The following KLF12 variants were observed in gnomAD, a reference collection of about 807,000 sequenced individuals.
KLF12 encodes Krueppel-like factor 12.
A neutral mutation model predicts 37.8 loss-of-function variants in KLF12; 9 were observed. The ratio of observed to expected loss-of-function variants is 0.24; its 90% CI spans 0.14 to 0.42. The LOEUF (loss-of-function observed/expected upper bound fraction) is 0.42. Among genes scored for constraint, KLF12 ranks in the 10% least tolerant of loss-of-function variants. The probability of loss-of-function intolerance (pLI) is 1.00; values close to 1 mark genes in which losing one functional copy is unlikely to be tolerated. For synonymous variants in KLF12, 208 were observed against 202.1 expected (o/e 1.03, Z -0.25); for missense variants, 411 against 516.0 (o/e 0.80, Z 1.97).
chr13:73,954,162 TA>T (rs1593777673), intron 2 of KLF12, among the ~76,000 whole-genome samples: 2 of 151,958 alleles, frequency 1.3e-5, no homozygotes, highest in South Asian at 2.1e-4. Flanking sequence ...GTATTTTTAG[TA>T]GAGGCGGGGT....
intron 3 of KLF12, among the ~76,000 whole-genome samples, chr13:73,887,592 A>T (rs931208307): frequency 2.6e-5 from 4 of 152,158 alleles, no homozygotes; most frequent in Non-Finnish European, 4.4e-5. Flanking sequence ...TTCTACCATG[A>T]GCCAATTAAA....
chr13:74,298,261 A>G, the KLF12 span, among the ~76,000 whole-genome samples: 43 of 152,322 alleles, frequency 2.8e-4, no homozygotes, highest in African/African-American at 1.0e-3. Flanking sequence ...TGCCTGAAAG[A>G]CATTGGGTAA....
intron 4 of KLF12, chr13:73,845,122 CAT>C (rs1352137981): frequency 1.3e-5 from 2 of 152,156 alleles, no homozygotes; most frequent in Non-Finnish European, 2.9e-5. Flanking sequence ...GATGATTACA[CAT>C]AGTCATGTAG....
At chr13:74,185,188 C>T in the KLF12 span, among the ~76,000 whole-genome samples, 9 of 152,086 alleles carry the variant, frequency 5.9e-5, no homozygotes, top group South Asian at 2.1e-4. Flanking sequence ...AGCTATGTTG[C>T]GAAATAAACT....
chr13:74,288,100 T>C, the KLF12 span, among the ~76,000 whole-genome samples: 1 of 151,670 alleles, frequency 6.6e-6, no homozygotes, highest in Admixed American at 6.6e-5. Context: ...TGGGGAGAAC[T>C]AGGCGGCTTT....
At chr13:74,092,804 G>A (rs993716201) in intron 1 of KLF12, among the ~76,000 whole-genome samples, 1 of 152,102 alleles carries the variant, frequency 6.6e-6, no homozygotes, top group African/African-American at 2.4e-5. Flanking sequence ...TTTTTCCTAA[G>A]GAGACATGCA....
intron 1 of KLF12, among the ~76,000 whole-genome samples, chr13:74,106,799 AC>A (rs1228643146): frequency 6.6e-6 from 1 of 152,200 alleles, no homozygotes; most frequent in Non-Finnish European, 1.5e-5. Flanking sequence ...CTATCTGCCC[AC>A]AGCCAAGCCA....
the KLF12 span, among the ~76,000 whole-genome samples, chr13:74,232,710 A>G: frequency 6.6e-6 from 1 of 152,194 alleles, no homozygotes. Flanking sequence ...TGTATATGAC[A>G]TTGAAGTACA....
intron 1 of KLF12, among the ~76,000 whole-genome samples, chr13:74,004,375 C>A (rs372205566): frequency 6.6e-6 from 1 of 152,054 alleles, no homozygotes; most frequent in Non-Finnish European, 1.5e-5. Flanking sequence ...CCTTGTGAAG[C>A]GGGTGGAATT....
intron 3 of KLF12, among the ~76,000 whole-genome samples, chr13:73,926,572 C>A (rs1889385669): frequency 6.6e-6 from 1 of 151,410 alleles, no homozygotes; most frequent in Non-Finnish European, 1.5e-5. Context: ...TCTGCAATAT[C>A]TCTGAGGTGT....
chr13:74,064,534 C>T (rs929385754), intron 1 of KLF12, among the ~76,000 whole-genome samples: 2 of 152,076 alleles, frequency 1.3e-5, no homozygotes, highest in Admixed American at 1.3e-4. Context: ...CATTGGAGTC[C>T]AGAATTATAA....
intron 1 of KLF12, among the ~76,000 whole-genome samples, chr13:74,062,347 A>G (rs929886287): frequency 2.6e-5 from 4 of 152,152 alleles, no homozygotes; most frequent in Admixed American, 2.0e-4. Flanking sequence ...GACTTTTTCT[A>G]AGTCTCTAAA....
At chr13:74,100,452 C>T (rs1458422260) in intron 1 of KLF12, among the ~76,000 whole-genome samples, 1 of 151,958 alleles carries the variant, frequency 6.6e-6, no homozygotes, top group Non-Finnish European at 1.5e-5. Flanking sequence ...ACCCCATTTC[C>T]ACTAAAAATA....
intron 3 of KLF12, among the ~76,000 whole-genome samples, chr13:73,901,011 GGAGTGTCTTTTTCTTTAAGA>G (rs1888016633): frequency 6.6e-6 from 1 of 152,146 alleles, no homozygotes. Context: ...CGATTTGATA[GGAGTGTCTTTTTCTTTAAGA>G]GAAATAGACC....
At chr13:74,124,003 T>G (rs971382088) in intron 1 of KLF12, among the ~76,000 whole-genome samples, 4 of 152,144 alleles carry the variant, frequency 2.6e-5, no homozygotes, top group Non-Finnish European at 5.9e-5. Context: ...CAAAGCAATT[T>G]TTGTTGTTGT....
intron 6 of KLF12, among the ~76,000 whole-genome samples, chr13:73,741,663 C>T (rs1877992813): frequency 6.6e-6 from 1 of 152,118 alleles, no homozygotes; most frequent in Non-Finnish European, 1.5e-5. Flanking sequence ...GGATTACAAC[C>T]CTCATCTCTG....
intron 4 of KLF12, among the ~76,000 whole-genome samples, chr13:73,824,221 G>GT (rs1031990033): frequency 6.6e-6 from 1 of 152,036 alleles, no homozygotes; most frequent in African/African-American, 2.4e-5. Context: ...CTTCACAAGA[G>GT]TTACTGTGCG....
the KLF12 span, among the ~76,000 whole-genome samples, chr13:74,276,034 A>G: frequency 6.6e-6 from 1 of 151,478 alleles, no homozygotes; most frequent in Admixed American, 6.6e-5. Flanking sequence ...ATAGGCATAC[A>G]TATGCCGTGG....
At chr13:74,275,111 G>A in the KLF12 span, among the ~76,000 whole-genome samples, 3 of 152,120 alleles carry the variant, frequency 2.0e-5, no homozygotes, top group Non-Finnish European at 4.4e-5. Context: ...GAGGATTTTG[G>A]GGGAAATTGT....
Sources: gnomAD v4.1 joint callset for allele counts (sites outside exome capture counted in the v4.1 genomes callset) on GRCh38, gnomAD v4.1.1 for gene constraint, MANE v1.5 for transcripts, NCBI Gene and HGNC (gene_info 2026-07-23, HGNC 2026-07-21) for gene names.